The following KIF9 variants were observed in gnomAD, a reference collection of about 807,000 sequenced individuals.
KIF9 encodes the protein kinesin family member 9.
In KIF9, 68 loss-of-function variants were observed where a neutral mutation model predicts 94.8. That is an observed-to-expected ratio of 0.72 (90% CI 0.59 to 0.88). The LOEUF (loss-of-function observed/expected upper bound fraction) is 0.88. Among genes scored for constraint, KIF9 ranks in the 40% least tolerant of loss-of-function variants. The pLI is 0.00. For synonymous variants in KIF9, 343 were observed against 362.1 expected (o/e 0.95, Z 0.60); for missense variants, 882 against 982.5 (o/e 0.90, Z 1.37).
chr3:47,230,610 A>C (rs1273460058), intron 20 of KIF9, among the ~76,000 whole-genome samples: 1 of 152,072 alleles, frequency 6.6e-6, no homozygotes, highest in Non-Finnish European at 1.5e-5. Flanking sequence ...GCATGCCTAT[A>C]ATCCCAGCTA....
chr3:47,257,504 G>C lies in KIF9; in HGVS notation c.1038C>G (p.Ile346Met). ...GTACCTCAGCATCATACTTTTCATT[G>C]ATGGCAGGCTCAGTGGTGACTAGCT... ...RMKLVTTEPA[I>M]NEKYDAERMV... The change falls in exon 10 of 21, where the codon ATC becomes ATG. Residue 346 changes from isoleucine to methionine, a missense_variant. Ile to Met is a conservative substitution (Grantham distance 10, BLOSUM62 1). Transcript: ENST00000684063. 6.2e-7 allele frequency: 1 copy of C among 1,614,000 alleles called. No homozygotes were observed. Among genetic ancestry groups the C allele is most frequent in the Non-Finnish European group, 8.5e-7 (1 of 1,179,970 alleles).
chr3:47,259,327 C>A (rs1207347472), intron 9 of KIF9, among the ~76,000 whole-genome samples: 2 of 152,216 alleles, frequency 1.3e-5, no homozygotes, highest in Non-Finnish European at 2.9e-5. Flanking sequence ...CCTGTATACA[C>A]TTCCCTCAGG....
rs372454404 is a variant in KIF9 at position 47,246,317 on chromosome 3, T to C, written c.1234-65A>G. The C allele has an allele frequency of 6.5e-6, 9 of 1,382,702 alleles. No homozygotes were observed. The South Asian group carries it at 1.2e-4, about 18-fold the overall frequency. The allele number at this position is 1,382,702 out of a possible 1,614,324, so 85.7% of individuals were successfully genotyped here. Reference sequence around the variant, plus strand: ...ACCTCGAGGGACCAGGGGGCATCTATGTTAGTAGAGAAATCAAGACCCCTT... The same window carrying C: ...ACCTCGAGGGACCAGGGGGCATCTACGTTAGTAGAGAAATCAAGACCCCTT... On this transcript the variant is annotated intron_variant, in intron 12 of 20. Coordinates refer to ENST00000684063, the MANE Select transcript of KIF9 (RefSeq NM_182902.4).
intron 9 of KIF9, among the ~76,000 whole-genome samples, chr3:47,260,345 C>A (rs2107382234): frequency 6.6e-6 from 1 of 151,730 alleles, no homozygotes; most frequent in Non-Finnish European, 1.5e-5. Context: ...TAAGGGAACT[C>A]AGAGGCTGGC....
intron 10 of KIF9, among the ~76,000 whole-genome samples, chr3:47,253,895 T>C (rs565820207): frequency 1.5e-3 from 232 of 152,362 alleles, no homozygotes; most frequent in Non-Finnish European, 2.8e-3. Context: ...ATAGACTCTA[T>C]AGAAGAATGG....
chr3:47,282,673 T>G lies in KIF9; in HGVS notation c.-184A>C. 3 of 1,283,716 alleles carry G rather than the reference T, an allele frequency of 2.3e-6. No individual in the cohort carries two copies. In the South Asian group the frequency reaches 5.3e-5, roughly 23 times the overall value. The allele number at this position is 1,283,716 out of a possible 1,614,324, so 79.5% of individuals were successfully genotyped here. ...CGAGGTCCTACGTCGAGGATACGGG[T>G]GAGGTCATGGCCGAATCGGGAAGAC... On this transcript the variant is annotated 5_prime_UTR_variant, in exon 1 of 21. Coordinates refer to ENST00000684063, the MANE Select transcript of KIF9 (RefSeq NM_182902.4).
chr3:47,254,960 T>C (rs1249779540), intron 10 of KIF9, among the ~76,000 whole-genome samples: 1 of 152,138 alleles, frequency 6.6e-6, no homozygotes, highest in African/African-American at 2.4e-5. Context: ...CCTTGTCACA[T>C]TTGAGAACCG....
At chr3:47,280,365 G>C (rs772030231) in intron 1 of KIF9, among the ~76,000 whole-genome samples, 14 of 152,136 alleles carry the variant, frequency 9.2e-5, no homozygotes, top group Non-Finnish European at 1.5e-4. Flanking sequence ...AGGTGCCCAG[G>C]CCTCTCTCCC....
chr3:47,272,958 C>T (rs1701740748), intron 4 of KIF9, among the ~76,000 whole-genome samples: 1 of 152,190 alleles, frequency 6.6e-6, no homozygotes, highest in South Asian at 2.1e-4. Context: ...TGTAAAGCTG[C>T]CTCTTGGCAG....
In KIF9 at chr3:47,236,027, C is replaced by T. The variant is rs201278437; in HGVS notation, c.2217+7G>A. 18 of 1,607,200 alleles carry T rather than the reference C, an allele frequency of 1.1e-5. No individual in the cohort carries two copies. Among genetic ancestry groups the T allele is most frequent in the South Asian group, 2.2e-5 (2 of 90,914 alleles). On this transcript the variant is annotated splice_region_variant and intron_variant, in intron 19 of 20. Coordinates refer to ENST00000684063, the MANE Select transcript of KIF9 (RefSeq NM_182902.4). ...CACTGCCACACCCCTGCCCCTGTGC[C>T]GCTCACCAGAGACACAATCCTGTTC...
At position 47,282,787 on chromosome 3, in the gene KIF9, T is replaced by C; in HGVS notation, c.-298A>G. ...ATAGCGAGGGAACGAAGGCCGCACA[T>C]GAACCAGGAAGCGGAGTGGCGGGGC... On this transcript the variant is annotated 5_prime_UTR_variant, in exon 1 of 21. An upstream start codon of the reference 5' UTR is lost. Coordinates refer to ENST00000684063, the MANE Select transcript of KIF9 (RefSeq NM_182902.4). 3.5e-6 allele frequency: 5 copies of C among 1,432,026 alleles called. No homozygotes were observed. The highest frequency in any genetic ancestry group is 4.6e-6 in the Non-Finnish European group (5 of 1,096,922). The allele number at this position is 1,432,026 out of a possible 1,614,324, so 88.7% of individuals were successfully genotyped here.
chr3:47,239,969 G>T, intron 17 of KIF9: 1 of 1,355,984 alleles, frequency 7.4e-7, no homozygotes, highest in Non-Finnish European at 9.9e-7. Flanking sequence ...TGTGGCCTCT[G>T]AACCACCTGT....
rs3832254 is a variant in KIF9 at position 47,243,084 on chromosome 3, G to GA, written c.1675dup (p.Ser559PhefsTer12). The GA allele has an allele frequency of 1.3e-4, 217 of 1,612,902 alleles. 2 individuals carry two copies. In the East Asian group the frequency reaches 4.8e-3, roughly 36 times the overall value. ...GCGTAATTCCTCCTTCGGGGAGTCTGAGGGAAGGGGCTCAATGCTGGAAGT... is the reference window on the plus strand; with the variant it reads ...GCGTAATTCCTCCTTCGGGGAGTCTGAAGGGAAGGGGCTCAATGCTGGAAGT... On this transcript the variant is annotated frameshift_variant, in exon 16 of 21. Transcript: ENST00000684063. LOFTEE classifies it high-confidence loss of function.
At chr3:47,264,067 C>T in intron 9 of KIF9, 1 of 570,320 alleles carries the variant, frequency 1.8e-6, no homozygotes, top group Non-Finnish European at 3.3e-6. Context: ...CTGAGCCTGC[C>T]TGCTGGCTGG....
At position 47,244,923 on chromosome 3, in the gene KIF9, G is replaced by A. The variant is rs116166033; in HGVS notation, c.1382C>T (p.Ala461Val). 7 of 1,613,858 alleles carry A rather than the reference G, an allele frequency of 4.3e-6. No homozygotes were observed. The highest frequency in any genetic ancestry group is 2.2e-5 in the East Asian group (1 of 44,896). ...DFAAISAIQK[A>V]GLVDVDGHLV... is the part of the protein sequence containing the mutation. ...GTGGCCATCAACATCCACAAGCCCC[G>A]CCTACATAGAGAGGCCAGCCAAAGG... The change falls in exon 15 of 21, where the codon GCG becomes GTG. Residue 461 changes from alanine to valine, a missense_variant and splice_region_variant. Transcript: ENST00000684063.
chr3:47,233,490 G>A (rs1258479362), intron 20 of KIF9, among the ~76,000 whole-genome samples: 8 of 150,770 alleles, frequency 5.3e-5, no homozygotes, highest in Non-Finnish European at 1.2e-4. Context: ...GAGCCTAGGT[G>A]TTTGAGACCA....
At chr3:47,273,510 A>G (rs1197878858) in intron 4 of KIF9, 42 bp downstream of exon 4, 2 of 1,458,126 alleles carry the variant, frequency 1.4e-6, no homozygotes, top group Non-Finnish European at 9.4e-7. Context: ...TGGCAGAGAG[A>G]GGGAACCTGT....
intron 10 of KIF9, among the ~76,000 whole-genome samples, chr3:47,256,627 C>G (rs1340785352): frequency 1.3e-5 from 2 of 152,218 alleles, no homozygotes; most frequent in African/African-American, 4.8e-5. Flanking sequence ...CGGCCACCAC[C>G]CCGTCTGGGA....
chr3:47,272,281 C>A (rs1416424348), intron 4 of KIF9, among the ~76,000 whole-genome samples: 1 of 152,080 alleles, frequency 6.6e-6, no homozygotes, highest in Non-Finnish European at 1.5e-5. Flanking sequence ...AGAATTTAGA[C>A]CGGTTTTGTT....
Sources: allele counts gnomAD v4.1 joint callset (sites outside exome capture counted in the v4.1 genomes callset), GRCh38; gene constraint gnomAD v4.1.1; transcripts MANE v1.5; gene names NCBI Gene and HGNC (gene_info 2026-07-23, HGNC 2026-07-21).